The following ATP10D variants were observed in gnomAD, a reference collection of about 807,000 sequenced individuals.
The protein encoded by ATP10D is phospholipid-transporting ATPase VD.
In ATP10D, 89 loss-of-function variants were observed where a neutral mutation model predicts 144.8. The ratio of observed to expected loss-of-function variants is 0.61; its 90% CI spans 0.52 to 0.73. ATP10D has a LOEUF of 0.73. Among genes scored for constraint, ATP10D ranks in the 30% least tolerant of loss-of-function variants. The probability of loss-of-function intolerance (pLI) is 0.00; values close to 1 mark genes in which losing one functional copy is unlikely to be tolerated. For missense variants in ATP10D, 1,603 were observed against 1,714.8 expected (o/e 0.93, Z 1.15); for synonymous variants, 571 against 615.1 (o/e 0.93, Z 1.06).
chr4:47,535,392 C>G, intron 5 of ATP10D, 117 bp from the exon 6 acceptor site: 1 of 711,434 alleles, frequency 1.4e-6, no homozygotes, highest in Non-Finnish European at 2.2e-6. Flanking sequence ...GATTTGAAAA[C>G]TTTCTTGTGA....
intron 19 of ATP10D, 88 bp from the exon 20 acceptor site, chr4:47,580,310 G>C (rs767756705): frequency 1.9e-6 from 2 of 1,071,446 alleles, no homozygotes. Flanking sequence ...TTCTCTCAGA[G>C]AAACAAATGT....
intron 10 of ATP10D, among the ~76,000 whole-genome samples, chr4:47,549,950 CT>C (rs57539413): frequency 0.037 from 4,698 of 128,114 alleles, 199 homozygotes; most frequent in African/African-American, 0.11. Flanking sequence ...TCACCTTTGT[CT>C]TTTTTTTTTT....
chr4:47,509,654 C>T (rs1716208929), intron 1 of ATP10D, among the ~76,000 whole-genome samples: 1 of 152,142 alleles, frequency 6.6e-6, no homozygotes, highest in Non-Finnish European at 1.5e-5. Flanking sequence ...CAACTTATTA[C>T]TCCTTTGTAG....
intron 18 of ATP10D, among the ~76,000 whole-genome samples, chr4:47,574,370 T>C (rs909920507): frequency 2.6e-5 from 4 of 152,218 alleles, no homozygotes; most frequent in African/African-American, 7.2e-5. Flanking sequence ...ATATCTCTTA[T>C]TTACCTAGCT....
intron 1 of ATP10D, among the ~76,000 whole-genome samples, chr4:47,486,356 T>TG (rs1483274082): frequency 6.6e-6 from 1 of 152,246 alleles, no homozygotes; most frequent in African/African-American, 2.4e-5. Flanking sequence ...AGTTTCTTCT[T>TG]GCGTTCTTTT....
At chr4:47,532,203 C>T (rs1458418987) in intron 5 of ATP10D, among the ~76,000 whole-genome samples, 1 of 152,140 alleles carries the variant, frequency 6.6e-6, no homozygotes. Context: ...TCTTAATAGA[C>T]ACATTCGAGC....
intron 4 of ATP10D, among the ~76,000 whole-genome samples, chr4:47,523,801 A>G (rs1223293144): frequency 6.8e-6 from 1 of 146,894 alleles, no homozygotes; most frequent in African/African-American, 2.5e-5. Flanking sequence ...GAAATAGTAC[A>G]TATGTTTTCA....
Position 47,489,540 on chromosome 4 carries a change from A to T in ATP10D, c.-38+4021A>T, listed in dbSNP as rs570465342. Among the ~76,000 whole-genome samples, 9 of 152,308 alleles carry T rather than the reference A, an allele frequency of 5.9e-5. No individual in the cohort carries two copies. The East Asian group carries it at 1.7e-3, about 29-fold the overall frequency. ...AGTTCTAAAGTTTCTGCAGTGACTTATATTTTAGTTATCAGAGAAAACAAG... is the reference window on the plus strand; with the variant it reads ...AGTTCTAAAGTTTCTGCAGTGACTTTTATTTTAGTTATCAGAGAAAACAAG... On this transcript the variant is annotated intron_variant, in intron 1 of 22. Coordinates refer to ENST00000273859, the MANE Select transcript of ATP10D (RefSeq NM_020453.4).
At chr4:47,550,489 G>T (rs190548384) in intron 10 of ATP10D, among the ~76,000 whole-genome samples, 11 of 152,032 alleles carry the variant, frequency 7.2e-5, no homozygotes, top group East Asian at 5.8e-4. Context: ...CATGGGGTTG[G>T]GGGGGGCGGT....
chr4:47,531,572 A>C (rs1717571767), intron 5 of ATP10D, among the ~76,000 whole-genome samples: 1 of 152,210 alleles, frequency 6.6e-6, no homozygotes, highest in Admixed American at 6.5e-5. Context: ...TATTGGGGTT[A>C]GTATTAGAAA....
chr4:47,552,252 G>A (rs979352701), intron 10 of ATP10D, among the ~76,000 whole-genome samples: 7 of 152,142 alleles, frequency 4.6e-5, no homozygotes, highest in Non-Finnish European at 7.3e-5. Flanking sequence ...TGCAGCCATC[G>A]GATTCCCTGA....
rs756637902 is a variant in ATP10D at position 47,558,230 on chromosome 4, C to T, written c.2391C>T (p.Gly797=). 2.2e-5 allele frequency: 35 copies of T among 1,613,984 alleles called. No homozygotes were observed. Among genetic ancestry groups the T allele is most frequent in the South Asian group, 1.1e-4 (10 of 91,088 alleles). ...ATCAAGTTGTGGTGTATACGAAAGG[C>T]GCTGATTCTGTGATCATGGAGTTAC... The part of the protein sequence containing the change: ...LSNQVVVYTK[G]ADSVIMELLS... The change falls in exon 12 of 23, where the codon GGC becomes GGT. Residue 797 remains glycine, a synonymous_variant. Transcript: ENST00000273859.
intron 1 of ATP10D, among the ~76,000 whole-genome samples, chr4:47,486,377 C>T (rs1714759093): frequency 1.3e-5 from 2 of 152,198 alleles, no homozygotes; most frequent in Admixed American, 1.3e-4. Context: ...CATGCTGGTT[C>T]TAAGCAGGGA....
In ATP10D at chr4:47,512,639, G is replaced by C. The variant is rs373598354; in HGVS notation, c.99G>C (p.Leu33Phe). 4.3e-6 allele frequency: 7 copies of C among 1,614,018 alleles called. No homozygotes were observed. The African/African-American group carries it at 8.0e-5, about 18-fold the overall frequency. The change falls in exon 2 of 23, where the codon TTG becomes TTC. Residue 33 changes from leucine to phenylalanine, a missense_variant. Transcript: ENST00000273859. ...DDSGPYNYSS[L>F]LACGRKSSQT... ...CAGGGCCATACAACTATTCCTCGTT[G>C]CTCGCCTGTGGGCGCAAGTCCTCTC...
rs1043718555 is a variant in ATP10D at position 47,561,144 on chromosome 4, G to T, written c.2668+69G>T. On this transcript the variant is annotated intron_variant, in intron 14 of 22. Transcript: ENST00000273859. ...AAACACTGGATATCTTTGAATAAGG[G>T]TTATTTTCTTCCATTGTTATCTAAT... The T allele has an allele frequency of 3.2e-6, 5 of 1,575,844 alleles. No individual in the cohort carries two copies. In the Admixed American group the frequency reaches 6.7e-5, roughly 21 times the overall value.
At chr4:47,504,979 AG>A (rs1715943768) in intron 1 of ATP10D, among the ~76,000 whole-genome samples, 2 of 152,226 alleles carry the variant, frequency 1.3e-5, no homozygotes, top group African/African-American at 4.8e-5. Flanking sequence ...GTTGAGAAGA[AG>A]GTTATAAGTC....
chr4:47,590,933 A>C, intron 22 of ATP10D, 109 bp from the exon 23 acceptor site: 39 of 673,032 alleles, frequency 5.8e-5, no homozygotes, highest in Non-Finnish European at 7.2e-5. Flanking sequence ...TTCAGGAGCC[A>C]AGTGGCCACC....
At chr4:47,503,508 T>G (rs941482661) in intron 1 of ATP10D, among the ~76,000 whole-genome samples, 3 of 152,232 alleles carry the variant, frequency 2.0e-5, no homozygotes, top group Non-Finnish European at 4.4e-5. Context: ...AAATATTTCT[T>G]TATTAGTGGT....
chr4:47,486,410 G>C (rs1714760267), intron 1 of ATP10D, among the ~76,000 whole-genome samples: 1 of 152,238 alleles, frequency 6.6e-6, no homozygotes, highest in Non-Finnish European at 1.5e-5. Context: ...TGTATGGACA[G>C]AGCAAACCTC....
Sources: gnomAD v4.1 joint callset for allele counts (sites outside exome capture counted in the v4.1 genomes callset) on GRCh38, gnomAD v4.1.1 for gene constraint, MANE v1.5 for transcripts, NCBI Gene and HGNC (gene_info 2026-07-23, HGNC 2026-07-21) for gene names.